ZNF644: variants seen among roughly 807,000 people sequenced by gnomAD.
ZNF644 encodes the protein zinc finger protein 644.
Under a neutral mutation model 108.0 loss-of-function variants are expected in ZNF644, and 20 were observed. The ratio of observed to expected loss-of-function variants is 0.19; its 90% CI spans 0.13 to 0.27. The LOEUF (loss-of-function observed/expected upper bound fraction) is 0.27, where lower values mean the gene tolerates loss of function less well. Ranked by LOEUF, ZNF644 falls within the 10% of genes least tolerant of loss-of-function variation. The pLI is 1.00. For synonymous variants in ZNF644, 542 were observed against 539.1 expected, an observed-to-expected ratio of 1.01 and a Z score of -0.08; for missense variants, 1,338 against 1,548.9, an observed-to-expected ratio of 0.86 and a Z score of 2.29.
intron 1 of ZNF644, among the ~76,000 whole-genome samples, chr1:90,989,791 A>G (rs1429989313): frequency 6.6e-6 from 1 of 152,202 alleles, no homozygotes; most frequent in Non-Finnish European, 1.5e-5. Context: ...AAATTACCAT[A>G]TGATCCAGCA....
At chr1:91,000,774 A>T (rs934086668) in intron 1 of ZNF644, among the ~76,000 whole-genome samples, 2 of 152,184 alleles carry the variant, frequency 1.3e-5, no homozygotes, top group Non-Finnish European at 2.9e-5. Flanking sequence ...TCAACACAAT[A>T]GATAGACCAC....
At position 90,949,979 on chromosome 1, in the gene ZNF644, C is replaced by CA. The variant is rs1445905774; in HGVS notation, c.45-8671dup. 5.9e-5 allele frequency among the ~76,000 whole-genome samples: 9 copies of CA among 151,816 alleles called. No homozygotes were observed. The South Asian group carries it at 1.9e-3, about 32-fold the overall frequency. ...CCTTTTTGTTGTTCATTTATTGATT[C>CA]AAAAAAATAGCGCTGGGGCCGGGGG... is the stretch of plus-strand genomic sequence containing the variant. On this transcript the variant is annotated intron_variant, in intron 2 of 5. Transcript: ENST00000337393.
intron 2 of ZNF644, among the ~76,000 whole-genome samples, chr1:90,956,078 A>G (rs1653726578): frequency 6.6e-6 from 1 of 152,188 alleles, no homozygotes; most frequent in South Asian, 2.1e-4. Context: ...GGAGAGGGAG[A>G]GAGACAGGCA....
rs1648749887 is a variant in ZNF644, at chr1:90,916,218, A to AT, written c.*579dup. 1 of 152,630 alleles carries AT rather than the reference A, an allele frequency of 6.6e-6. No homozygotes were observed. Among genetic ancestry groups the AT allele is most frequent in the Non-Finnish European group, 1.5e-5 (1 of 68,066 alleles). The allele number at this position is 152,630 out of a possible 1,614,324, so 9.5% of individuals were successfully genotyped here. ...AACAAATCTCCCTCCACTTTTTAGT[A>AT]TAAAAAAAACCGTTCCATGTGATTT... On this transcript the variant is annotated 3_prime_UTR_variant, in exon 6 of 6. Transcript: ENST00000337393.
intron 1 of ZNF644, among the ~76,000 whole-genome samples, chr1:91,013,093 A>G (rs955513205): frequency 6.6e-6 from 1 of 151,906 alleles, no homozygotes; most frequent in African/African-American, 2.4e-5. Context: ...TGTTTTTTGG[A>G]GACTGAGTCT....
At chr1:90,961,526 G>A (rs1654339615) in intron 2 of ZNF644, among the ~76,000 whole-genome samples, 1 of 152,102 alleles carries the variant, frequency 6.6e-6, no homozygotes, top group African/African-American at 2.4e-5. Context: ...GTACAATGGA[G>A]TTTTCCAGAG....
At position 91,017,895 on chromosome 1, in the gene ZNF644, G is replaced by A. The variant is rs192159516; in HGVS notation, c.-18+4095C>T. Among the ~76,000 whole-genome samples, 21 of 152,292 alleles carry A rather than the reference G, an allele frequency of 1.4e-4. No individual in the cohort carries two copies. The East Asian group carries it at 3.7e-3, about 27-fold the overall frequency. ...GAGAATCACTTGAACCTGAGAGGCA[G>A]AGGTTGCAGTGAGCCAAGATTGCAC... On this transcript the variant is annotated intron_variant, in intron 1 of 5. Coordinates refer to ENST00000337393, the MANE Select transcript of ZNF644 (RefSeq NM_201269.3).
Position 90,917,002 on chromosome 1 carries a change from T to A in ZNF644, c.3792-12A>T, listed in dbSNP as rs762861425. 42 of 1,613,798 alleles carry A rather than the reference T, an allele frequency of 2.6e-5. No individual in the cohort carries two copies. The South Asian group carries it at 4.5e-4, about 17-fold the overall frequency. ...CTAGGCCACAAAACCTACAGAAAGA[T>A]AACAATTCTCTTAACATGACCAATT... is the stretch of plus-strand genomic sequence containing the variant. On this transcript the variant is annotated splice_polypyrimidine_tract_variant and intron_variant, in intron 5 of 5. Transcript: ENST00000337393.
chr1:90,977,163 GT>G (rs1557621894), intron 2 of ZNF644, among the ~76,000 whole-genome samples: 1 of 152,006 alleles, frequency 6.6e-6, no homozygotes, highest in Non-Finnish European at 1.5e-5. Flanking sequence ...TAATGATTGC[GT>G]TGTAAAAGAC....
chr1:90,982,814 T>A (rs1323844711), intron 1 of ZNF644, among the ~76,000 whole-genome samples: 1 of 151,968 alleles, frequency 6.6e-6, no homozygotes, highest in Non-Finnish European at 1.5e-5. Flanking sequence ...TATATACACA[T>A]AAAAGTATAT....
In ZNF644 at chr1:90,916,703, T is replaced by C. The variant is rs1255733601; in HGVS notation, c.*95A>G. 2.2e-6 allele frequency: 3 copies of C among 1,381,592 alleles called. No homozygotes were observed. The African/African-American group carries it at 4.3e-5, about 20-fold the overall frequency. 85.6% of individuals were successfully genotyped at this position (1,381,592 alleles called of 1,614,324 possible). A position where few individuals can be genotyped will look rare whatever the true frequency, so the allele number is the denominator to read the frequency against. Reference sequence around the variant, plus strand: ...TCACTTTCCCCCCATTTTCCTGCTTTAGTATTTATAAACAGATAATTTAAT... The same window carrying C: ...TCACTTTCCCCCCATTTTCCTGCTTCAGTATTTATAAACAGATAATTTAAT... On this transcript the variant is annotated 3_prime_UTR_variant, in exon 6 of 6. Transcript: ENST00000337393.
rs867414787 is a variant in ZNF644 at position 91,007,226 on chromosome 1, T to G, written c.-18+14764A>C. Among the ~76,000 whole-genome samples the G allele has an allele frequency of 9.0e-3, 315 of 34,986 alleles. 3 individuals carry two copies. The highest frequency in any genetic ancestry group is 0.029 in the African/African-American group (271 of 9,190). The allele number at this position is 34,986 out of a possible 152,430, so 23.0% of individuals were successfully genotyped here. The stretch of plus-strand genomic sequence containing the variant: ...ATTTCTTCCATTTTCTCCCATTTTG[T>G]TTTTTTTTTTTTTTTTTTTTTTTTT... On this transcript the variant is annotated intron_variant, in intron 1 of 5. Transcript: ENST00000337393.
intron 4 of ZNF644, among the ~76,000 whole-genome samples, chr1:90,921,914 T>C (rs181737067): frequency 2.0e-4 from 30 of 152,242 alleles, no homozygotes; most frequent in Admixed American, 1.1e-3. Flanking sequence ...CTAAACCAGA[T>C]TGGTGCAAAG....
chr1:90,953,147 T>C lies in ZNF644; in HGVS notation c.45-11838A>G, dbSNP rs548134563. 7.2e-5 allele frequency among the ~76,000 whole-genome samples: 11 copies of C among 152,222 alleles called. No individual in the cohort carries two copies. In the East Asian group the frequency reaches 1.7e-3, roughly 24 times the overall value. On this transcript the variant is annotated intron_variant, in intron 2 of 5. Transcript: ENST00000337393. ...AAAACATCCATGTCAGACAAGGTCA[T>C]TGTGCAACACAAACTACCAAACATC...
intron 2 of ZNF644, among the ~76,000 whole-genome samples, chr1:90,948,108 C>T (rs1456069115): frequency 6.6e-6 from 1 of 152,036 alleles, no homozygotes; most frequent in African/African-American, 2.4e-5. Context: ...ACAATTTCAC[C>T]ATTCAAAAAA....
chr1:90,965,146 T>C (rs1278244607), intron 2 of ZNF644, among the ~76,000 whole-genome samples: 1 of 152,210 alleles, frequency 6.6e-6, no homozygotes, highest in African/African-American at 2.4e-5. Context: ...TCTGTATAGC[T>C]AGAACTGCCT....
chr1:91,020,061 T>G (rs1387558738), intron 1 of ZNF644, among the ~76,000 whole-genome samples: 3 of 152,152 alleles, frequency 2.0e-5, no homozygotes, highest in African/African-American at 7.2e-5. Context: ...TGCCACTAAC[T>G]TAATCATCTC....
At position 90,998,631 on chromosome 1, in the gene ZNF644, A is replaced by C. The variant is rs182630922; in HGVS notation, c.-17-16261T>G. On this transcript the variant is annotated intron_variant, in intron 1 of 5. Transcript: ENST00000337393. The stretch of plus-strand genomic sequence containing the variant: ...GAGCAGAAAAGCTGAAAATTCTAAA[A>C]ATCAGAGCGCCTCTCCCCCTCCAAA... Among the ~76,000 whole-genome samples the C allele has an allele frequency of 1.5e-3, 221 of 152,316 alleles. 1 individual carries two copies. Among genetic ancestry groups the C allele is most frequent in the African/African-American group, 5.1e-3 (211 of 41,570 alleles).
chr1:90,975,514 T>C (rs553646410), intron 2 of ZNF644, among the ~76,000 whole-genome samples: 4 of 151,260 alleles, frequency 2.6e-5, no homozygotes, highest in African/African-American at 9.7e-5. Flanking sequence ...CTCGGCTCAC[T>C]GCAACCTCTG....
Sources: allele counts gnomAD v4.1 joint callset (sites outside exome capture counted in the v4.1 genomes callset), GRCh38; gene constraint gnomAD v4.1.1; transcripts MANE v1.5; gene names NCBI Gene and HGNC (gene_info 2026-07-23, HGNC 2026-07-21).